Variants in TRIM5 observed in about 807,000 individuals in gnomAD.
TRIM5 encodes the protein tripartite motif-containing protein 5.
Under a neutral mutation model 35.6 loss-of-function variants are expected in TRIM5, and 31 were observed. That is an observed-to-expected ratio of 0.87 (90% CI 0.65 to 1.18). TRIM5 has a LOEUF of 1.18. TRIM5 is among the 50% of genes most tolerant of loss of function. The pLI, the probability that TRIM5 is intolerant of heterozygous loss-of-function variation, is 0.00. For synonymous variants in TRIM5, 243 were observed against 215.6 expected, an observed-to-expected ratio of 1.13 and a Z score of -1.11; for missense variants, 609 against 591.6, an observed-to-expected ratio of 1.03 and a Z score of -0.31.
intron 5 of TRIM5, among the ~76,000 whole-genome samples, chr11:5,667,040 T>C (rs1285469910): frequency 2.6e-5 from 4 of 151,944 alleles, no homozygotes; most frequent in Non-Finnish European, 4.4e-5. Context: ...ACCTATTAAA[T>C]ACAGAAAGAG....
chr11:5,620,839 T>C, the TRIM5 span, among the ~76,000 whole-genome samples: 1 of 152,220 alleles, frequency 6.6e-6, no homozygotes, highest in African/African-American at 2.4e-5. Context: ...TACAGTGAGA[T>C]AGCAAGGCAA....
At chr11:5,592,650 C>T in the TRIM5 span, among the ~76,000 whole-genome samples, 23 of 152,074 alleles carry the variant, frequency 1.5e-4, no homozygotes, top group Admixed American at 5.2e-4. Flanking sequence ...GGCGTGGTGG[C>T]TCACACCTGT....
At chr11:5,612,902 A>T in the TRIM5 span, 2 of 152,228 alleles carry the variant, frequency 1.3e-5, no homozygotes, top group Admixed American at 1.3e-4. Flanking sequence ...GTGTATTGCA[A>T]TGATAATATG....
the TRIM5 span, chr11:5,632,822 C>CCT: frequency 1.0e-6 from 1 of 982,828 alleles, no homozygotes; most frequent in South Asian, 2.1e-5. Context: ...CCTTTTCATC[C>CCT]TTTTTTTTTT....
chr11:5,606,925 C>G, the TRIM5 span, among the ~76,000 whole-genome samples: 1 of 151,944 alleles, frequency 6.6e-6, no homozygotes, highest in East Asian at 1.9e-4. Context: ...TAGCCAAGGC[C>G]GAGCGCGGTG....
At position 5,663,515 on chromosome 11, in the gene TRIM5, A is replaced by G; in HGVS notation, c.*1294T>C. 2.0e-6 allele frequency: 2 copies of G among 984,836 alleles called. No homozygotes were observed. Among genetic ancestry groups the G allele is most frequent in the Non-Finnish European group, 2.4e-6 (2 of 829,364 alleles). 61.0% of individuals were successfully genotyped at this position (984,836 alleles called of 1,614,324 possible). ...ACATTAACAGAGTTTATGTTTTTCA[A>G]TAATTTGTAGAACAAGTACTTATTA... On this transcript the variant is annotated 3_prime_UTR_variant, in exon 8 of 8. Coordinates refer to ENST00000380034, the MANE Select transcript of TRIM5 (RefSeq NM_033034.3).
At chr11:5,653,990 C>A in the TRIM5 span, among the ~76,000 whole-genome samples, 1 of 152,020 alleles carries the variant, frequency 6.6e-6, no homozygotes, top group Non-Finnish European at 1.5e-5. Flanking sequence ...TTCTTCACTT[C>A]TAACATTTCT....
At chr11:5,633,821 C>T in the TRIM5 span, 11 of 1,613,990 alleles carry the variant, frequency 6.8e-6, no homozygotes, top group East Asian at 2.5e-4. Flanking sequence ...TCCAGGCAGT[C>T]CTCAAGAGGC....
chr11:5,591,694 A>G, the TRIM5 span, among the ~76,000 whole-genome samples: 1 of 151,500 alleles, frequency 6.6e-6, no homozygotes, highest in Non-Finnish European at 1.5e-5. Context: ...TGGATCTTGC[A>G]ATGAGGTGAT....
the TRIM5 span, chr11:5,634,974 T>C: frequency 9.0e-7 from 1 of 1,115,568 alleles, no homozygotes; most frequent in South Asian, 1.6e-5. Flanking sequence ...AGTGCCGCCT[T>C]GTCGTCCATT....
chr11:5,616,842 C>A, the TRIM5 span, among the ~76,000 whole-genome samples: 1 of 141,566 alleles, frequency 7.1e-6, no homozygotes, highest in Non-Finnish European at 1.5e-5. Flanking sequence ...TGGGTTCAAG[C>A]GATTCTCCTG....
At chr11:5,605,301 C>G in the TRIM5 span, 11 of 1,612,804 alleles carry the variant, frequency 6.8e-6, no homozygotes, top group Non-Finnish European at 9.3e-6. Context: ...TCAGTGTGAC[C>G]GACTAGCAGC....
chr11:5,603,205 T>G, the TRIM5 span: 2 of 1,583,630 alleles, frequency 1.3e-6, no homozygotes, highest in Non-Finnish European at 1.7e-6. Context: ...TTCTCCCTCC[T>G]TTCTTACCCT....
At chr11:5,594,635 G>A in the TRIM5 span, among the ~76,000 whole-genome samples, 1 of 151,856 alleles carries the variant, frequency 6.6e-6, no homozygotes, top group Non-Finnish European at 1.5e-5. Context: ...GAGCCTACTA[G>A]CCCCAGAAAT....
the TRIM5 span, among the ~76,000 whole-genome samples, chr11:5,593,411 A>G: frequency 6.6e-6 from 1 of 152,248 alleles, no homozygotes; most frequent in East Asian, 1.9e-4. Context: ...CTGAAAAAAT[A>G]TACTAGAGAT....
chr11:5,660,736 A>G (rs1850785536), downstream of TRIM5, among the ~76,000 whole-genome samples: 1 of 152,038 alleles, frequency 6.6e-6, no homozygotes, highest in Non-Finnish European at 1.5e-5. Context: ...GGTGGTTAAT[A>G]CAAAGATATT....
chr11:5,610,712 T>C, the TRIM5 span: 5 of 1,582,532 alleles, frequency 3.2e-6, no homozygotes, highest in Admixed American at 5.2e-5. Context: ...CTGTGTTTCC[T>C]CTTCTCAGCA....
At chr11:5,659,282 A>C (rs1850736671), downstream of TRIM5, among the ~76,000 whole-genome samples, 1 of 152,198 alleles carries the variant, frequency 6.6e-6, no homozygotes, top group Non-Finnish European at 1.5e-5. Context: ...TTTGAGCAGC[A>C]GGGCACTGAA....
At chr11:5,588,976 G>A in the TRIM5 span, 1 of 151,888 alleles carries the variant, frequency 6.6e-6, no homozygotes, top group Admixed American at 6.6e-5. Context: ...AGTAGAGGCA[G>A]GGTTTCACCA....
Sources: gnomAD v4.1 joint callset for allele counts (sites outside exome capture counted in the v4.1 genomes callset) on GRCh38, gnomAD v4.1.1 for gene constraint, MANE v1.5 for transcripts, NCBI Gene and HGNC (gene_info 2026-07-23, HGNC 2026-07-21) for gene names.